Variants in CDH18 observed in about 807,000 individuals in gnomAD.
The protein encoded by CDH18 is cadherin 18.
A neutral mutation model predicts 67.9 loss-of-function variants in CDH18; 31 were observed. The ratio of observed to expected loss-of-function variants is 0.46; its 90% confidence interval spans 0.34 to 0.62. The LOEUF is 0.62. CDH18 is among the 20% of genes least tolerant of loss of function. CDH18 has a pLI of 0.01. For missense variants in CDH18, 890 were observed against 975.5 expected, an observed-to-expected ratio of 0.91 and a Z score of 1.17; for synonymous variants, 362 against 347.2, an observed-to-expected ratio of 1.04 and a Z score of -0.48.
intron 2 of CDH18, among the ~76,000 whole-genome samples, chr5:20,116,357 C>G (rs1554092363): frequency 1.3e-5 from 2 of 149,908 alleles, no homozygotes; most frequent in Non-Finnish European, 3.0e-5. Flanking sequence ...CTAAAAAATA[C>G]AAAAAAAAAT....
At chr5:19,593,140 A>C (rs1413917461) in intron 6 of CDH18, among the ~76,000 whole-genome samples, 2 of 152,148 alleles carry the variant, frequency 1.3e-5, no homozygotes, top group Non-Finnish European at 2.9e-5. Context: ...GAATGCTAAT[A>C]TTTATTTGTA....
chr5:19,506,710 G>A (rs1199357644), intron 10 of CDH18, among the ~76,000 whole-genome samples: 1 of 152,178 alleles, frequency 6.6e-6, no homozygotes, highest in Non-Finnish European at 1.5e-5. Context: ...TATGTAGAAA[G>A]CTGAAACTGG....
intron 2 of CDH18, among the ~76,000 whole-genome samples, chr5:20,107,084 C>CTTTTT (rs34482408): frequency 7.0e-6 from 1 of 143,480 alleles, no homozygotes; most frequent in Non-Finnish European, 1.5e-5. Context: ...TTATAACTTT[C>CTTTTT]TTTTTTTTTT....
intron 5 of CDH18, among the ~76,000 whole-genome samples, chr5:19,712,135 A>G (rs1023443655): frequency 6.6e-6 from 1 of 152,024 alleles, no homozygotes; most frequent in African/African-American, 2.4e-5. Flanking sequence ...GTGGGGAATA[A>G]TAAGTATTGG....
At chr5:19,612,316 G>A (rs1749110706) in intron 6 of CDH18, 118 bp downstream of exon 6, 1 of 954,668 alleles carries the variant, frequency 1.0e-6, no homozygotes, top group Non-Finnish European at 1.6e-6. Context: ...TGATCATATA[G>A]TACAAAAACA....
intron 2 of CDH18, among the ~76,000 whole-genome samples, chr5:19,996,504 A>G (rs1481616856): frequency 6.6e-6 from 1 of 152,056 alleles, no homozygotes; most frequent in African/African-American, 2.4e-5. Flanking sequence ...AAATATATGA[A>G]TATTTCTTGA....
chr5:19,565,705 A>G (rs1431507376), intron 8 of CDH18, among the ~76,000 whole-genome samples: 1 of 152,210 alleles, frequency 6.6e-6, no homozygotes, highest in Non-Finnish European at 1.5e-5. Flanking sequence ...ATCTCTAGCT[A>G]TATGCAAAAA....
chr5:19,855,932 A>C (rs1411656733), intron 2 of CDH18, among the ~76,000 whole-genome samples: 1 of 152,190 alleles, frequency 6.6e-6, no homozygotes, highest in Non-Finnish European at 1.5e-5. Context: ...GATTTGGAAG[A>C]AAATGGCAGA....
chr5:19,488,551 T>A (rs1740774970), intron 11 of CDH18, among the ~76,000 whole-genome samples: 2 of 152,148 alleles, frequency 1.3e-5, no homozygotes, highest in Admixed American at 1.3e-4. Flanking sequence ...TTTCATATTG[T>A]CTCTGAGTTT....
chr5:20,531,869 A>T (rs1358245848), intron 1 of CDH18, among the ~76,000 whole-genome samples: 1 of 152,116 alleles, frequency 6.6e-6, no homozygotes, highest in Non-Finnish European at 1.5e-5. Flanking sequence ...CATTCTGCAC[A>T]TATAGCCTGG....
At chr5:20,332,495 A>C (rs961582806) in intron 1 of CDH18, among the ~76,000 whole-genome samples, 1 of 152,224 alleles carries the variant, frequency 6.6e-6, no homozygotes, top group Non-Finnish European at 1.5e-5. Flanking sequence ...ACTTAAGAAA[A>C]GTAAGCCACC....
chr5:20,497,917 T>A (rs1037312097), intron 1 of CDH18, among the ~76,000 whole-genome samples: 1 of 152,030 alleles, frequency 6.6e-6, no homozygotes, highest in Non-Finnish European at 1.5e-5. Flanking sequence ...ATCATGAGGA[T>A]GGAGTCCCCA....
intron 2 of CDH18, among the ~76,000 whole-genome samples, chr5:19,894,617 A>T (rs1329777591): frequency 1.3e-5 from 2 of 152,110 alleles, no homozygotes; most frequent in East Asian, 3.9e-4. Flanking sequence ...ATTATTATAG[A>T]AAATTAAGAA....
chr5:19,898,972 A>G (rs1789640673), intron 2 of CDH18, among the ~76,000 whole-genome samples: 1 of 152,206 alleles, frequency 6.6e-6, no homozygotes, highest in East Asian at 1.9e-4. Context: ...TAACCAAATA[A>G]CCCAATTAAA....
intron 2 of CDH18, among the ~76,000 whole-genome samples, chr5:19,863,706 C>G (rs989044788): frequency 3.9e-5 from 6 of 152,186 alleles, no homozygotes; most frequent in African/African-American, 1.4e-4. Context: ...GCAGTGGCCC[C>G]AGGATGCAGA....
At position 19,845,467 on chromosome 5, in the gene CDH18, A is replaced by G. The variant is rs146672753; in HGVS notation, c.-256-6225T>C. On this transcript the variant is annotated intron_variant, in intron 2 of 12. Transcript: ENST00000382275. ...CTGGAAAATGGTTCATTTCTACTAG[A>G]GAAGAATGTGTGTTTTGATGCAGTT... Among the ~76,000 whole-genome samples the G allele has an allele frequency of 1.3e-4, 20 of 152,256 alleles. No individual in the cohort carries two copies. The East Asian group carries it at 3.5e-3, about 26-fold the overall frequency.
intron 1 of CDH18, among the ~76,000 whole-genome samples, chr5:20,443,760 TTC>T (rs1388610838): frequency 6.6e-6 from 1 of 151,958 alleles, no homozygotes; most frequent in Non-Finnish European, 1.5e-5. Context: ...GGGTAATCAT[TTC>T]TCTATCTCTC....
chr5:19,733,844 A>T (rs1487713248), intron 4 of CDH18, among the ~76,000 whole-genome samples: 2 of 152,200 alleles, frequency 1.3e-5, no homozygotes, highest in African/African-American at 4.8e-5. Context: ...GGGCATCATC[A>T]AATTCCCCTC....
intron 2 of CDH18, among the ~76,000 whole-genome samples, chr5:19,841,639 G>T (rs1311698526): frequency 2.7e-5 from 4 of 150,390 alleles, no homozygotes; most frequent in African/African-American, 4.9e-5. Flanking sequence ...GACATAGAAG[G>T]TGTTGTTATT....
Sources: allele counts gnomAD v4.1 joint callset (sites outside exome capture counted in the v4.1 genomes callset), GRCh38; gene constraint gnomAD v4.1.1; transcripts MANE v1.5; gene names NCBI Gene and HGNC (gene_info 2026-07-23, HGNC 2026-07-21).